The following SEC63 variants were observed in gnomAD, a reference collection of about 807,000 sequenced individuals.
The protein encoded by SEC63 is translocation protein SEC63 homolog.
A neutral mutation model predicts 116.2 loss-of-function variants in SEC63; 56 were observed. The ratio of observed to expected loss-of-function variants is 0.48; its 90% CI spans 0.39 to 0.60. The LOEUF is 0.60. Ranked by LOEUF, SEC63 falls within the 20% of genes least tolerant of loss-of-function variation. SEC63 has a pLI of 0.00. For missense variants in SEC63, 668 were observed against 900.0 expected, an observed-to-expected ratio of 0.74 and a Z score of 3.30; for synonymous variants, 273 against 294.6, an observed-to-expected ratio of 0.93 and a Z score of 0.75.
chr6:107,904,839 G>C (rs951812403), intron 10 of SEC63, 118 bp from the exon 11 acceptor site: 14 of 793,532 alleles, frequency 1.8e-5, no homozygotes, highest in African/African-American at 6.8e-5. Context: ...CATGATCTCA[G>C]AATTTTACAG....
At chr6:107,953,696 T>C (rs1456671936) in intron 1 of SEC63, among the ~76,000 whole-genome samples, 1 of 96,136 alleles carries the variant, frequency 1.0e-5, no homozygotes, top group Non-Finnish European at 2.0e-5. Context: ...GGGAGGGAGG[T>C]GGGGGGTCAG....
chr6:107,912,869 C>T (rs1207065048), intron 5 of SEC63, 95 bp from the exon 6 acceptor site: 2 of 902,416 alleles, frequency 2.2e-6, no homozygotes, highest in Non-Finnish European at 3.6e-6. Flanking sequence ...TATCCCAGAA[C>T]TCTCCCCCAC....
chr6:107,879,489 C>T (rs1191807218), intron 18 of SEC63, among the ~76,000 whole-genome samples: 1 of 152,108 alleles, frequency 6.6e-6, no homozygotes, highest in Non-Finnish European at 1.5e-5. Flanking sequence ...CCATGCCCAG[C>T]CAATTTTGTA....
At chr6:107,876,685 A>AAAG in intron 18 of SEC63, 23 bp from the exon 19 acceptor site, 1 of 1,486,538 alleles carries the variant, frequency 6.7e-7, no homozygotes, top group Non-Finnish European at 9.3e-7. Flanking sequence ...AAAAAAAAAA[A>AAAG]AAAAGAAGAG....
chr6:107,895,599 T>C (rs1786795254), intron 14 of SEC63, among the ~76,000 whole-genome samples: 1 of 152,132 alleles, frequency 6.6e-6, no homozygotes, highest in Non-Finnish European at 1.5e-5. Flanking sequence ...GCATGGGATA[T>C]AAATGTGGCA....
chr6:107,953,994 T>G (rs1175206735), intron 1 of SEC63, among the ~76,000 whole-genome samples: 2 of 152,110 alleles, frequency 1.3e-5, no homozygotes, highest in African/African-American at 2.4e-5. Flanking sequence ...GAACGGGCCA[T>G]GATGACAATG....
chr6:107,904,743 G>GA lies in SEC63; in HGVS notation c.962-23dup, dbSNP rs747876568. 2.6e-6 allele frequency: 4 copies of GA among 1,532,222 alleles called. No homozygotes were observed. The South Asian group carries it at 4.5e-5, about 17-fold the overall frequency. The allele number at this position is 1,532,222 out of a possible 1,614,324, so 94.9% of individuals were successfully genotyped here. A position where few individuals can be genotyped will look rare whatever the true frequency, so the allele number is the denominator to read the frequency against. ...TGATCTGCAAAACAATAAAAAACCT[G>GA]AAACAGATCATTTTAATTTTACAGT... On this transcript the variant is annotated intron_variant, in intron 10 of 20. Coordinates refer to ENST00000369002, the MANE Select transcript of SEC63 (RefSeq NM_007214.5).
rs545144928 is a variant in SEC63, at chr6:107,920,876, T to A, written c.452+921A>T. ...TTATAAATACACAGACATATGTGTGTGCATATAACGCATATGTGAATATAT... is the reference window on the plus strand; with the variant it reads ...TTATAAATACACAGACATATGTGTGAGCATATAACGCATATGTGAATATAT... On this transcript the variant is annotated intron_variant, in intron 4 of 20. Coordinates refer to ENST00000369002, the MANE Select transcript of SEC63 (RefSeq NM_007214.5). Among the ~76,000 whole-genome samples the A allele has an allele frequency of 1.2e-4, 18 of 152,316 alleles. No individual in the cohort carries two copies. In the South Asian group the frequency reaches 3.7e-3, roughly 32 times the overall value.
rs1467893207 is a variant in SEC63 at position 107,868,626 on chromosome 6, C to T, written c.*3078G>A. On this transcript the variant is annotated 3_prime_UTR_variant, in exon 21 of 21. Coordinates refer to ENST00000369002, the MANE Select transcript of SEC63 (RefSeq NM_007214.5). Reference sequence around the variant, plus strand: ...GAGAAAAAAAGGCCAGCAAAATAAACAGCTAGCCCCTAAAGAAATAATTCT... The same window carrying T: ...GAGAAAAAAAGGCCAGCAAAATAAATAGCTAGCCCCTAAAGAAATAATTCT... The T allele has an allele frequency of 6.6e-6, 1 of 151,210 alleles. No homozygotes were observed. Among genetic ancestry groups the T allele is most frequent in the Non-Finnish European group, 1.5e-5 (1 of 67,822 alleles). The allele number at this position is 151,210 out of a possible 1,614,324, so 9.4% of individuals were successfully genotyped here. A position where few individuals can be genotyped will look rare whatever the true frequency, so the allele number is the denominator to read the frequency against.
At chr6:107,881,773 A>G (rs1786419237) in intron 17 of SEC63, among the ~76,000 whole-genome samples, 1 of 152,138 alleles carries the variant, frequency 6.6e-6, no homozygotes, top group Non-Finnish European at 1.5e-5. Flanking sequence ...GTACTATAGT[A>G]TTTATTTACA....
At chr6:107,919,801 GAC>G (rs745490047) in intron 4 of SEC63, among the ~76,000 whole-genome samples, 10 of 150,290 alleles carry the variant, frequency 6.7e-5, no homozygotes, top group Non-Finnish European at 1.5e-4. Flanking sequence ...CAGCCTGGGC[GAC>G]AGAGCAAGAC....
chr6:107,956,409 C>T (rs1275724129), intron 1 of SEC63, among the ~76,000 whole-genome samples: 1 of 152,272 alleles, frequency 6.6e-6, no homozygotes, highest in East Asian at 1.9e-4. Context: ...GCCATTACAG[C>T]ATTAAGACTT....
intron 4 of SEC63, among the ~76,000 whole-genome samples, chr6:107,920,194 C>T (rs927712545): frequency 4.6e-5 from 7 of 151,900 alleles, no homozygotes; most frequent in Admixed American, 3.9e-4. Context: ...GAGGCCGAGG[C>T]GGGAGGATCA....
Position 107,872,049 on chromosome 6 carries a change from T to C in SEC63, c.2140-202A>G, listed in dbSNP as rs138561181. 4.1e-3 allele frequency among the ~76,000 whole-genome samples: 628 copies of C among 152,352 alleles called. 3 individuals are homozygous for C. The highest frequency in any genetic ancestry group is 0.014 in the African/African-American group (588 of 41,586). Reference sequence around the variant, plus strand: ...AAGTAAATTTAACAATATGTAAATGTAGTTAAATTTCTAATACAGTTTGAT... The same window carrying C: ...AAGTAAATTTAACAATATGTAAATGCAGTTAAATTTCTAATACAGTTTGAT... On this transcript the variant is annotated intron_variant, in intron 20 of 20. Transcript: ENST00000369002.
intron 20 of SEC63, 100 bp downstream of exon 20, chr6:107,872,708 T>TTCCTTCCA (rs1417915451): frequency 1.3e-6 from 1 of 753,864 alleles, no homozygotes; most frequent in African/African-American, 1.8e-5. Context: ...TGACTTCTTT[T>TTCCTTCCA]TCCTTCCATA....
chr6:107,873,871 T>A (rs2114389576), intron 19 of SEC63, among the ~76,000 whole-genome samples: 2 of 151,998 alleles, frequency 1.3e-5, no homozygotes, highest in East Asian at 3.9e-4. Context: ...AAAAGACAAC[T>A]CAAACACACT....
At chr6:107,956,732 C>CG (rs950119718) in intron 1 of SEC63, among the ~76,000 whole-genome samples, 45 of 151,614 alleles carry the variant, frequency 3.0e-4, no homozygotes, top group Middle Eastern at 3.4e-3. Context: ...TCACATGGGG[C>CG]GGGGGGGAAA....
chr6:107,937,106 C>T (rs1057177864), intron 1 of SEC63, among the ~76,000 whole-genome samples: 10 of 146,078 alleles, frequency 6.8e-5, no homozygotes, highest in Non-Finnish European at 1.2e-4. Context: ...TAGTATTCTA[C>T]AGTGTATATG....
rs749125299 is a variant in SEC63 at position 107,876,670 on chromosome 6, C to CAAAAAAA, written c.1936-15_1936-9dup. 3.7e-3 allele frequency: 2,799 copies of CAAAAAAA among 757,564 alleles called. 32 individuals are homozygous for CAAAAAAA. The highest frequency in any genetic ancestry group is 0.011 in the South Asian group (539 of 50,306). The allele number at this position is 757,564 out of a possible 1,614,324, so 46.9% of individuals were successfully genotyped here. ...CCACCATTCTTGTTTTTCCTGGAAA[C>CAAAAAAA]AAAAAAAAAAAAAAAAAAAGAAGAG... On this transcript the variant is annotated splice_polypyrimidine_tract_variant and intron_variant, in intron 18 of 20. Transcript: ENST00000369002.
Sources: gnomAD v4.1 joint callset for allele counts (sites outside exome capture counted in the v4.1 genomes callset) on GRCh38, gnomAD v4.1.1 for gene constraint, MANE v1.5 for transcripts, NCBI Gene and HGNC (gene_info 2026-07-23, HGNC 2026-07-21) for gene names.